Variants in RGL1 observed in about 807,000 individuals in gnomAD.
The protein encoded by RGL1 is ral guanine nucleotide dissociation stimulator-like 1.
A neutral mutation model predicts 95.2 loss-of-function variants in RGL1; 24 were observed. The ratio of observed to expected loss-of-function variants is 0.25; its 90% CI spans 0.18 to 0.35. The LOEUF is 0.35. RGL1 is among the 10% of genes least tolerant of loss of function. The probability of loss-of-function intolerance (pLI) is 1.00; values close to 1 mark genes in which losing one functional copy is unlikely to be tolerated. For missense variants in RGL1, 715 were observed against 936.3 expected (o/e 0.76, Z 3.08); for synonymous variants, 329 against 344.9 (o/e 0.95, Z 0.51).
At chr1:183,881,833 T>C (rs1043330614) in intron 5 of RGL1, among the ~76,000 whole-genome samples, 10 of 152,266 alleles carry the variant, frequency 6.6e-5, no homozygotes, top group African/African-American at 2.4e-4. Flanking sequence ...CCAGGAATGT[T>C]TGAATACCAG....
chr1:183,867,398 G>GGGAGGGAGTGACCAACTCCCTC (rs1445682955), intron 4 of RGL1, among the ~76,000 whole-genome samples: 1 of 152,112 alleles, frequency 6.6e-6, no homozygotes, highest in Non-Finnish European at 1.5e-5. Flanking sequence ...AAGGATTTCA[G>GGGAGGGAGTGACCAACTCCCTC]GGAGGGAGTG....
chr1:183,648,917 G>A, intron 1 of RGL1: 1 of 692,656 alleles, frequency 1.4e-6, no homozygotes, highest in Non-Finnish European at 2.4e-6. Context: ...GCACAATAAA[G>A]ATAGTGATAT....
intron 1 of RGL1, among the ~76,000 whole-genome samples, chr1:183,714,157 A>T (rs1186447688): frequency 6.6e-6 from 1 of 152,188 alleles, no homozygotes; most frequent in Non-Finnish European, 1.5e-5. Flanking sequence ...TGGGTGGGGA[A>T]GTTTTCCTCT....
At chr1:183,845,006 A>G (rs546576131) in intron 2 of RGL1, among the ~76,000 whole-genome samples, 6 of 152,344 alleles carry the variant, frequency 3.9e-5, no homozygotes, top group Middle Eastern at 3.4e-3. Flanking sequence ...AAAGCAATCC[A>G]TCTGTTAGTT....
intron 1 of RGL1, among the ~76,000 whole-genome samples, chr1:183,663,997 G>A (rs1339409334): frequency 6.8e-6 from 1 of 146,306 alleles, no homozygotes; most frequent in East Asian, 2.0e-4. Flanking sequence ...CTCACTCATA[G>A]GTGGGAATTG....
At chr1:183,805,504 A>G (rs539336849) in intron 1 of RGL1, among the ~76,000 whole-genome samples, 180 bp downstream of exon 1, 1 of 152,188 alleles carries the variant, frequency 6.6e-6, no homozygotes, top group East Asian at 1.9e-4. Context: ...CTCCCTTTCA[A>G]CCGTACCTAC....
At position 183,909,121 on chromosome 1, in the gene RGL1, G is replaced by A. The variant is rs554590195; in HGVS notation, c.1562+2020G>A. Reference sequence around the variant, plus strand: ...GGGATAACCCTTGGTATCTGCAGTTGAGTTTGGGCATCTATTATGAAAGCA... The same window carrying A: ...GGGATAACCCTTGGTATCTGCAGTTAAGTTTGGGCATCTATTATGAAAGCA... On this transcript the variant is annotated intron_variant, in intron 14 of 17. Transcript: ENST00000360851. Among the ~76,000 whole-genome samples, 22 of 152,342 alleles carry A rather than the reference G, an allele frequency of 1.4e-4. 2 individuals are homozygous for A. In the South Asian group the frequency reaches 3.5e-3, roughly 24 times the overall value.
At chr1:183,868,417 ATAGAGC>A (rs1665965063) in intron 4 of RGL1, among the ~76,000 whole-genome samples, 1 of 152,198 alleles carries the variant, frequency 6.6e-6, no homozygotes, top group African/African-American at 2.4e-5. Context: ...TGGGTTAGAC[ATAGAGC>A]CTTCTCGCTC....
At chr1:183,892,879 CA>C (rs1353806581) in intron 9 of RGL1, among the ~76,000 whole-genome samples, 2 of 152,212 alleles carry the variant, frequency 1.3e-5, no homozygotes, top group East Asian at 3.8e-4. Context: ...ATATTATCCT[CA>C]TAGTCTTTCT....
At chr1:183,667,892 A>G (rs1652151988) in intron 1 of RGL1, among the ~76,000 whole-genome samples, 1 of 152,216 alleles carries the variant, frequency 6.6e-6, no homozygotes, top group African/African-American at 2.4e-5. Flanking sequence ...ACACTTTCAA[A>G]TAACACTATA....
At chr1:183,776,838 C>A (rs1299898993) in intron 2 of RGL1, among the ~76,000 whole-genome samples, 1 of 152,136 alleles carries the variant, frequency 6.6e-6, no homozygotes. Context: ...AAAACATGAC[C>A]CCCATCTGTC....
intron 16 of RGL1, among the ~76,000 whole-genome samples, chr1:183,919,592 C>G (rs1669197029): frequency 6.6e-6 from 1 of 152,176 alleles, no homozygotes; most frequent in Non-Finnish European, 1.5e-5. Context: ...ACTAATGTCC[C>G]TGGAATCCAA....
chr1:183,821,802 C>T (rs767064935), intron 2 of RGL1, among the ~76,000 whole-genome samples: 13 of 152,186 alleles, frequency 8.5e-5, no homozygotes, highest in East Asian at 1.9e-4. Context: ...ACTTGCTTCT[C>T]GGAGACTTTT....
intron 1 of RGL1, among the ~76,000 whole-genome samples, chr1:183,718,761 A>G (rs1655799158): frequency 6.6e-6 from 1 of 152,028 alleles, no homozygotes; most frequent in African/African-American, 2.4e-5. Context: ...ACTAAAAAAA[A>G]AACTACCCGG....
chr1:183,716,446 A>G (rs1303051380), intron 1 of RGL1, among the ~76,000 whole-genome samples: 4 of 152,236 alleles, frequency 2.6e-5, no homozygotes, highest in African/African-American at 9.6e-5. Context: ...CATCTTTAAT[A>G]TGTAGCTTCT....
intron 1 of RGL1, among the ~76,000 whole-genome samples, chr1:183,705,320 G>C (rs1359963364): frequency 1.3e-5 from 2 of 152,000 alleles, no homozygotes; most frequent in African/African-American, 4.8e-5. Flanking sequence ...ATAGGTGACT[G>C]GGGGGGTGCT....
intron 2 of RGL1, among the ~76,000 whole-genome samples, chr1:183,757,017 G>GTTTTTTTTTTTTTTTTTTTTTTTTT (rs1334256397): frequency 1.2e-5 from 1 of 80,806 alleles, no homozygotes; most frequent in African/African-American, 5.5e-5. Flanking sequence ...TGGGTGGTTT[G>GTTTTTTTTTTTTTTTTTTTTTTTTT]TTTGTTTTTT....
At chr1:183,819,043 T>A (rs950414384) in intron 2 of RGL1, among the ~76,000 whole-genome samples, 1 of 152,190 alleles carries the variant, frequency 6.6e-6, no homozygotes, top group Non-Finnish European at 1.5e-5. Context: ...CATATAGGTT[T>A]GAGTCATGGG....
At chr1:183,776,517 C>T (rs980458090) in intron 2 of RGL1, among the ~76,000 whole-genome samples, 5 of 152,002 alleles carry the variant, frequency 3.3e-5, no homozygotes, top group South Asian at 2.1e-4. Flanking sequence ...GCACATTATG[C>T]GGCACATTTT....
Sources: gnomAD v4.1 joint callset for allele counts (sites outside exome capture counted in the v4.1 genomes callset) on GRCh38, gnomAD v4.1.1 for gene constraint, MANE v1.5 for transcripts, NCBI Gene and HGNC (gene_info 2026-07-23, HGNC 2026-07-21) for gene names.